The following DLGAP2 variants were observed in gnomAD, a reference collection of about 807,000 sequenced individuals.
DLGAP2 encodes DLG associated protein 2, also known as disks large-associated protein 2.
DLGAP2 carries 26 observed loss-of-function variants against 100.3 expected under a neutral mutation model. The ratio of observed to expected loss-of-function variants is 0.26; its 90% CI spans 0.19 to 0.36. The LOEUF is 0.36. Among genes scored for constraint, DLGAP2 ranks in the 10% least tolerant of loss-of-function variants. The pLI is 1.00. For missense variants in DLGAP2, 1,858 were observed against 1,453.2 expected (o/e 1.28, Z -4.53); for synonymous variants, 886 against 630.1 (o/e 1.41, Z -6.08).
intron 2 of DLGAP2, among the ~76,000 whole-genome samples, chr8:1,205,541 C>T (rs777876989): frequency 1.3e-5 from 2 of 152,172 alleles, no homozygotes; most frequent in African/African-American, 2.4e-5. Flanking sequence ...TGGCTGGTGG[C>T]GTCTGCTCTT....
intron 2 of DLGAP2, among the ~76,000 whole-genome samples, chr8:1,192,752 A>T (rs1797667057): frequency 6.6e-6 from 1 of 151,168 alleles, no homozygotes; most frequent in Admixed American, 6.6e-5. Flanking sequence ...AACATGTGCC[A>T]TGTTGGTGTG....
chr8:1,019,237 A>G (rs1158321076), intron 2 of DLGAP2: 1 of 152,016 alleles, frequency 6.6e-6, no homozygotes, highest in Admixed American at 6.6e-5. Context: ...CCACATGCAC[A>G]CAGGTGGCTG....
intron 2 of DLGAP2, among the ~76,000 whole-genome samples, chr8:990,022 G>A (rs1024294286): frequency 6.6e-6 from 1 of 151,988 alleles, no homozygotes; most frequent in Non-Finnish European, 1.5e-5. Context: ...CAACCTCCTG[G>A]ACCACTGTGC....
intron 3 of DLGAP2, among the ~76,000 whole-genome samples, chr8:1,477,413 C>A (rs1289257191): frequency 6.6e-6 from 1 of 152,214 alleles, no homozygotes; most frequent in Admixed American, 6.5e-5. Context: ...CTCCCCACCC[C>A]TGTGAATCTC....
rs112448894 is a variant in DLGAP2, at chr8:1,089,870, T to C, written c.74-168981T>C. Among the ~76,000 whole-genome samples the C allele has an allele frequency of 7.0e-4, 107 of 152,322 alleles. 2 individuals carry two copies. The highest frequency in any genetic ancestry group is 3.4e-3 in the Middle Eastern group (1 of 294). ...GAGACACTCGGGGGTTGGAGACACATGTGACAGTTTCTTGCCAAAGAGCTG... is the reference window on the plus strand; with the variant it reads ...GAGACACTCGGGGGTTGGAGACACACGTGACAGTTTCTTGCCAAAGAGCTG... On this transcript the variant is annotated intron_variant, in intron 2 of 14. Transcript: ENST00000637795.
intron 2 of DLGAP2, among the ~76,000 whole-genome samples, chr8:921,323 A>T (rs1247573588): frequency 6.6e-6 from 1 of 152,010 alleles, no homozygotes; most frequent in Non-Finnish European, 1.5e-5. Context: ...TTGAGTGTGG[A>T]TGCGTGTCTA....
chr8:1,326,384 C>G (rs1001641450), intron 3 of DLGAP2, among the ~76,000 whole-genome samples: 1 of 152,228 alleles, frequency 6.6e-6, no homozygotes, highest in Non-Finnish European at 1.5e-5. Flanking sequence ...CACATTCTAA[C>G]AAAACTCTCT....
chr8:1,647,767 G>A (rs902623590), intron 8 of DLGAP2, among the ~76,000 whole-genome samples: 3 of 152,108 alleles, frequency 2.0e-5, no homozygotes, highest in Non-Finnish European at 4.4e-5. Flanking sequence ...ATAAGGAAGC[G>A]TCATAGCCTG....
At chr8:1,318,866 A>G (rs544856116) in intron 3 of DLGAP2, among the ~76,000 whole-genome samples, 14 of 142,794 alleles carry the variant, frequency 9.8e-5, no homozygotes, top group African/African-American at 3.5e-4. Flanking sequence ...GGCAGAGTTA[A>G]TGATGTCCTT....
intron 2 of DLGAP2, among the ~76,000 whole-genome samples, chr8:1,210,372 A>T (rs1041273558): frequency 6.6e-6 from 1 of 152,146 alleles, no homozygotes; most frequent in African/African-American, 2.4e-5. Flanking sequence ...AAGAAACTGG[A>T]TGCAGCCTGC....
intron 6 of DLGAP2, among the ~76,000 whole-genome samples, chr8:1,592,144 C>T (rs145852195): frequency 1.3e-5 from 2 of 152,330 alleles, no homozygotes; most frequent in African/African-American, 4.8e-5. Flanking sequence ...CAGCACACGC[C>T]CGCCCAGGCT....
chr8:1,392,578 C>CT (rs1796390359), intron 3 of DLGAP2, among the ~76,000 whole-genome samples: 1 of 152,198 alleles, frequency 6.6e-6, no homozygotes, highest in African/African-American at 2.4e-5. Context: ...AAAATAGACT[C>CT]TGCTTGTTAT....
At chr8:1,125,342 A>G (rs965308063) in intron 2 of DLGAP2, among the ~76,000 whole-genome samples, 16 of 152,182 alleles carry the variant, frequency 1.1e-4, no homozygotes, top group African/African-American at 3.6e-4. Flanking sequence ...TCCCGGACAA[A>G]TACCTGGATC....
intron 3 of DLGAP2, among the ~76,000 whole-genome samples, chr8:1,390,133 C>G (rs1405335215): frequency 6.9e-6 from 1 of 145,590 alleles, no homozygotes; most frequent in Non-Finnish European, 1.5e-5. Flanking sequence ...GAAGCTCTTC[C>G]AAAAATCAGT....
At chr8:1,660,349 T>C (rs1038267132) in intron 8 of DLGAP2, among the ~76,000 whole-genome samples, 1 of 152,240 alleles carries the variant, frequency 6.6e-6, no homozygotes, top group Non-Finnish European at 1.5e-5. Flanking sequence ...TAATAACTGC[T>C]GTATTATTTG....
intron 3 of DLGAP2, among the ~76,000 whole-genome samples, chr8:1,384,650 C>G (rs1490592414): frequency 1.5e-5 from 2 of 134,772 alleles, no homozygotes; most frequent in Non-Finnish European, 3.1e-5. Context: ...CCCCTGAGAA[C>G]TTGATGCACA....
At chr8:1,156,007 C>T (rs1179507541) in intron 2 of DLGAP2, among the ~76,000 whole-genome samples, 1 of 152,174 alleles carries the variant, frequency 6.6e-6, no homozygotes, top group Non-Finnish European at 1.5e-5. Flanking sequence ...GCCTGTGGGC[C>T]GGTGACTTTC....
intron 3 of DLGAP2, among the ~76,000 whole-genome samples, chr8:1,475,209 C>T (rs1798899056): frequency 6.6e-6 from 1 of 152,196 alleles, no homozygotes; most frequent in African/African-American, 2.4e-5. Context: ...CCGGGAACTA[C>T]TGTGCTCACT....
chr8:1,506,300 G>C (rs900359431), intron 4 of DLGAP2, among the ~76,000 whole-genome samples: 1 of 152,146 alleles, frequency 6.6e-6, no homozygotes, highest in African/African-American at 2.4e-5. Context: ...ATTTTCTTCA[G>C]GGAAATTTAT....
Sources: allele counts gnomAD v4.1 joint callset (sites outside exome capture counted in the v4.1 genomes callset), GRCh38; gene constraint gnomAD v4.1.1; transcripts MANE v1.5; gene names NCBI Gene and HGNC (gene_info 2026-07-23, HGNC 2026-07-21).